CELF4: variants seen among roughly 807,000 people sequenced by gnomAD.
CELF4 encodes CUGBP Elav-like family member 4.
In CELF4, 18 loss-of-function variants were observed where a neutral mutation model predicts 59.9. The ratio of observed to expected loss-of-function variants is 0.30; its 90% confidence interval spans 0.21 to 0.45. The LOEUF is 0.45. Among genes scored for constraint, CELF4 ranks in the 20% least tolerant of loss-of-function variants. The pLI, the probability that CELF4 is intolerant of heterozygous loss-of-function variation, is 1.00. For synonymous variants in CELF4, 261 were observed against 267.1 expected (o/e 0.98, Z 0.22); for missense variants, 456 against 689.0 (o/e 0.66, Z 3.79).
intron 2 of CELF4, among the ~76,000 whole-genome samples, chr18:37,381,452 T>A (rs2099039958): frequency 6.6e-6 from 1 of 152,080 alleles, no homozygotes; most frequent in South Asian, 2.1e-4. Flanking sequence ...TATCACATTA[T>A]ATGGGGGCTC....
chr18:37,244,781 C>G lies in CELF4; in HGVS notation c.*461G>C, dbSNP rs2061468791. 5 of 152,596 alleles carry G rather than the reference C, an allele frequency of 3.3e-5. No homozygotes were observed. Among genetic ancestry groups the G allele is most frequent in the African/African-American group, 1.2e-4 (5 of 41,444 alleles). 9.5% of individuals were successfully genotyped at this position (152,596 alleles called of 1,614,324 possible). On this transcript the variant is annotated 3_prime_UTR_variant, in exon 13 of 13. Transcript: ENST00000420428. ...AGATAGAGATGCTCAGTGGCGGCCTCTCAGCCGCCCCTTGGGGACCAGGCC... is the reference window on the plus strand; with the variant it reads ...AGATAGAGATGCTCAGTGGCGGCCTGTCAGCCGCCCCTTGGGGACCAGGCC...
chr18:37,508,901 C>T (rs1264741679), intron 1 of CELF4, among the ~76,000 whole-genome samples: 1 of 152,220 alleles, frequency 6.6e-6, no homozygotes, highest in African/African-American at 2.4e-5. Context: ...GAAGGGTGAT[C>T]TCTGCTGTGG....
At chr18:37,520,413 G>A (rs2099955989) in intron 1 of CELF4, among the ~76,000 whole-genome samples, 1 of 152,198 alleles carries the variant, frequency 6.6e-6, no homozygotes, top group Non-Finnish European at 1.5e-5. Flanking sequence ...GGCCCAGAGA[G>A]GCACTGTTTG....
intron 2 of CELF4, among the ~76,000 whole-genome samples, chr18:37,426,473 G>A (rs1181771803): frequency 1.3e-5 from 2 of 152,238 alleles, no homozygotes; most frequent in African/African-American, 4.8e-5. Context: ...ACAGGACCTT[G>A]TCAATGACCA....
chr18:37,459,466 C>T (rs1447800049), intron 2 of CELF4, among the ~76,000 whole-genome samples: 1 of 152,208 alleles, frequency 6.6e-6, no homozygotes, highest in African/African-American at 2.4e-5. Context: ...TCCATCTACT[C>T]ACTCTCTTCT....
chr18:37,370,401 G>C (rs2098844852), intron 2 of CELF4, among the ~76,000 whole-genome samples: 1 of 152,130 alleles, frequency 6.6e-6, no homozygotes, highest in African/African-American at 2.4e-5. Flanking sequence ...GGGTATGGCA[G>C]GCTGGAGGTG....
At chr18:37,391,049 T>C (rs1421989029) in intron 2 of CELF4, among the ~76,000 whole-genome samples, 4 of 152,058 alleles carry the variant, frequency 2.6e-5, no homozygotes, top group Admixed American at 2.6e-4. Context: ...GCCTCAGTCA[T>C]GTCTGGTCTC....
At chr18:37,429,927 G>T (rs954581082) in intron 2 of CELF4, among the ~76,000 whole-genome samples, 9 of 152,106 alleles carry the variant, frequency 5.9e-5, no homozygotes, top group Non-Finnish European at 8.8e-5. Context: ...CCACTTAGCT[G>T]CTCCAATCCC....
chr18:37,551,648 G>A (rs1448773124), intron 1 of CELF4, among the ~76,000 whole-genome samples: 1 of 152,196 alleles, frequency 6.6e-6, no homozygotes, highest in Non-Finnish European at 1.5e-5. Flanking sequence ...GAGTGAGTCT[G>A]TGGGGACAAT....
intron 3 of CELF4, among the ~76,000 whole-genome samples, chr18:37,292,243 C>A (rs1400449118): frequency 6.6e-6 from 1 of 152,174 alleles, no homozygotes; most frequent in Non-Finnish European, 1.5e-5. Flanking sequence ...CTACGACACT[C>A]CCACTGAACA....
intron 1 of CELF4, among the ~76,000 whole-genome samples, chr18:37,556,878 G>A (rs1320547326): frequency 6.6e-6 from 1 of 152,170 alleles, no homozygotes; most frequent in African/African-American, 2.4e-5. Flanking sequence ...GACTCCAAGG[G>A]TTGCTTTCAA....
chr18:37,400,699 A>G (rs1409421704), intron 2 of CELF4, among the ~76,000 whole-genome samples: 1 of 152,200 alleles, frequency 6.6e-6, no homozygotes, highest in Non-Finnish European at 1.5e-5. Flanking sequence ...GTATTCACAA[A>G]GGCAAGCTGG....
chr18:37,336,932 G>A (rs898234714), intron 2 of CELF4, among the ~76,000 whole-genome samples: 1 of 152,088 alleles, frequency 6.6e-6, no homozygotes, highest in Non-Finnish European at 1.5e-5. Flanking sequence ...CCCATGACCC[G>A]GACCCGAGGC....
chr18:37,380,989 C>A (rs1044716043), intron 2 of CELF4, among the ~76,000 whole-genome samples: 2 of 151,248 alleles, frequency 1.3e-5, no homozygotes, highest in Non-Finnish European at 2.9e-5. Flanking sequence ...TGTATCCATT[C>A]ATCAACCATC....
At chr18:37,545,526 G>A (rs115876301) in intron 1 of CELF4, among the ~76,000 whole-genome samples, 298 of 152,302 alleles carry the variant, frequency 2.0e-3, no homozygotes, top group African/African-American at 6.5e-3. Flanking sequence ...CTGGACAGAA[G>A]GACAGGCCCA....
intron 1 of CELF4, among the ~76,000 whole-genome samples, chr18:37,496,473 G>T (rs190113070): frequency 1.3e-5 from 2 of 152,268 alleles, no homozygotes; most frequent in African/African-American, 2.4e-5. Context: ...TCTGTCCTCT[G>T]GCTTCTTCCT....
chr18:37,267,864 C>T (rs762955399), intron 8 of CELF4, among the ~76,000 whole-genome samples: 6 of 152,058 alleles, frequency 3.9e-5, no homozygotes, highest in Admixed American at 1.3e-4. Context: ...GGTGAAAACC[C>T]GTCTCTACTA....
intron 2 of CELF4, among the ~76,000 whole-genome samples, chr18:37,426,069 A>G (rs1330786693): frequency 6.6e-6 from 1 of 152,210 alleles, no homozygotes; most frequent in Non-Finnish European, 1.5e-5. Context: ...CCCTGGAATC[A>G]ATGTAGTCCC....
At chr18:37,472,853 C>T (rs2099837563) in intron 2 of CELF4, among the ~76,000 whole-genome samples, 1 of 152,198 alleles carries the variant, frequency 6.6e-6, no homozygotes, top group Admixed American at 6.5e-5. Flanking sequence ...GCCAAACTGG[C>T]TGGGGCTGAG....
Sources: gnomAD v4.1 joint callset for allele counts (sites outside exome capture counted in the v4.1 genomes callset) on GRCh38, gnomAD v4.1.1 for gene constraint, MANE v1.5 for transcripts, NCBI Gene and HGNC (gene_info 2026-07-23, HGNC 2026-07-21) for gene names.